Variants in METTL15 observed in about 807,000 individuals in gnomAD.
METTL15 encodes the protein methyltransferase 15, mitochondrial 12S rRNA N4-cytidine.
A neutral mutation model predicts 38.3 loss-of-function variants in METTL15; 34 were observed. The observed-to-expected ratio is 0.89, with a 90% CI of 0.68 to 1.18. The LOEUF is 1.18. METTL15 is among the 50% of genes most tolerant of loss of function. METTL15 has a pLI of 0.00. For synonymous variants in METTL15, 162 were observed against 170.9 expected (o/e 0.95, Z 0.41); for missense variants, 438 against 498.4 (o/e 0.88, Z 1.15).
intron 3 of METTL15, among the ~76,000 whole-genome samples, chr11:28,121,500 T>C (rs1284186312): frequency 1.3e-5 from 2 of 152,132 alleles, no homozygotes; most frequent in Non-Finnish European, 2.9e-5. Context: ...TAAAAGGGTT[T>C]CAAAATATTC....
At chr11:28,384,713 G>T (rs999620872) in intron 5 of METTL15, among the ~76,000 whole-genome samples, 1 of 152,110 alleles carries the variant, frequency 6.6e-6, no homozygotes, top group Non-Finnish European at 1.5e-5. Context: ...TTGAGGAGTT[G>T]CCACACTGAT....
chr11:28,241,407 G>A (rs553970613), intron 4 of METTL15, among the ~76,000 whole-genome samples: 20 of 152,064 alleles, frequency 1.3e-4, no homozygotes, highest in East Asian at 5.8e-4. Context: ...GGTGGCGGGC[G>A]CCTGTAGCCC....
rs746490910 is a variant in METTL15, at chr11:28,290,336, C to T, written c.538C>T (p.Pro180Ser). 6.2e-7 allele frequency: 1 copy of T among 1,613,268 alleles called. No homozygotes were observed. The highest frequency in any genetic ancestry group is 1.3e-5 in the African/African-American group (1 of 74,860). ...GTGTTCCTCCATGCAACTTGATACT[C>T]CTGAAAGAGGTTTTTCCCTTCGGAA... ...LGCSSMQLDT[P>S]ERGFSLRKDG... The change falls in exon 5 of 7, where the codon CCT (proline) becomes TCT (serine). Residue 180 changes from proline to serine, a missense_variant. Transcript: ENST00000407364.
intron 4 of METTL15, among the ~76,000 whole-genome samples, chr11:28,260,155 C>G (rs1855142551): frequency 6.6e-6 from 1 of 152,164 alleles, no homozygotes; most frequent in African/African-American, 2.4e-5. Context: ...CACAGTGTTC[C>G]AAACATACTG....
chr11:28,214,686 G>A (rs1278975616), intron 4 of METTL15, among the ~76,000 whole-genome samples: 1 of 152,072 alleles, frequency 6.6e-6, no homozygotes, highest in Non-Finnish European at 1.5e-5. Flanking sequence ...GACAAAATTA[G>A]GATGTAAATA....
chr11:28,272,666 A>G (rs531009257), intron 4 of METTL15, among the ~76,000 whole-genome samples: 50 of 152,296 alleles, frequency 3.3e-4, no homozygotes, highest in Non-Finnish European at 6.2e-4. Flanking sequence ...GTGTATACCT[A>G]TGTAACAAAC....
intron 5 of METTL15, among the ~76,000 whole-genome samples, chr11:28,400,687 C>G (rs1850622588): frequency 6.6e-6 from 1 of 151,860 alleles, no homozygotes; most frequent in Non-Finnish European, 1.5e-5. Flanking sequence ...TTTACATTAC[C>G]CACATGAGTG....
At position 28,113,382 on chromosome 11, in the gene METTL15, A is replaced by G. The variant is rs144647768; in HGVS notation, c.48A>G (p.Ser16=). 1.3e-6 allele frequency: 2 copies of G among 1,594,214 alleles called. No individual in the cohort carries two copies. The highest frequency in any genetic ancestry group is 2.3e-5 in the East Asian group (1 of 44,346). ...GTAGAATGTATAAAGAATGCCTTTC[A>G]TGTTGGTTGGAATCTGGCATACCTA... is the stretch of plus-strand genomic sequence containing the variant. ...YFCRMYKECL[S]CWLESGIPNL... The change falls in exon 3 of 7, where the codon TCA becomes TCG. Residue 16 remains serine (S), a synonymous_variant. Coordinates refer to ENST00000407364, the MANE Select transcript of METTL15 (RefSeq NM_001113528.2).
At chr11:28,261,110 A>G (rs1362902699) in intron 4 of METTL15, 1 of 152,198 alleles carries the variant, frequency 6.6e-6, no homozygotes, top group African/African-American at 2.4e-5. Flanking sequence ...TGATCAGAAT[A>G]TAATATCTGA....
At chr11:28,496,067 T>C (rs184906721) in intron 6 of METTL15, among the ~76,000 whole-genome samples, 13 of 152,292 alleles carry the variant, frequency 8.5e-5, no homozygotes, top group Non-Finnish European at 1.3e-4. Flanking sequence ...AATAATATGC[T>C]GCAAAAATAA....
chr11:28,357,725 A>G (rs1023039851), intron 4 of METTL15, among the ~76,000 whole-genome samples: 1 of 152,176 alleles, frequency 6.6e-6, no homozygotes, highest in Non-Finnish European at 1.5e-5. Flanking sequence ...GACTTTAATG[A>G]AAGCAAACTA....
intron 3 of METTL15, among the ~76,000 whole-genome samples, chr11:28,166,487 A>AG (rs1463497532): frequency 6.6e-6 from 1 of 152,184 alleles, no homozygotes; most frequent in Non-Finnish European, 1.5e-5. Context: ...ATGTCTTTGT[A>AG]GCTTTCTTCT....
chr11:28,315,045 G>A (rs554099871), intron 6 of METTL15, among the ~76,000 whole-genome samples: 2 of 152,254 alleles, frequency 1.3e-5, no homozygotes, highest in African/African-American at 4.8e-5. Context: ...CATGAAAATG[G>A]ACTAATACAA....
intron 3 of METTL15, among the ~76,000 whole-genome samples, chr11:28,139,754 A>T (rs908383580): frequency 6.9e-6 from 1 of 144,754 alleles, no homozygotes; most frequent in Non-Finnish European, 1.5e-5. Flanking sequence ...TTCCAAAAGG[A>T]AAAAAAAAAA....
intron 2 of METTL15, among the ~76,000 whole-genome samples, chr11:28,111,715 A>G (rs1173198878): frequency 6.6e-6 from 1 of 152,174 alleles, no homozygotes; most frequent in Non-Finnish European, 1.5e-5. Flanking sequence ...ATAAAATGGG[A>G]ATAATATTTC....
chr11:28,374,283 C>A (rs1850280773), intron 5 of METTL15, among the ~76,000 whole-genome samples: 1 of 152,124 alleles, frequency 6.6e-6, no homozygotes, highest in African/African-American at 2.4e-5. Context: ...GATACTGATT[C>A]TTCCTACCCA....
At chr11:28,438,394 G>A (rs1302088391) in intron 6 of METTL15, among the ~76,000 whole-genome samples, 1 of 152,186 alleles carries the variant, frequency 6.6e-6, no homozygotes, top group Non-Finnish European at 1.5e-5. Flanking sequence ...CCTACATCGG[G>A]TTGTCTGGTA....
chr11:28,394,311 G>A (rs578253703), intron 5 of METTL15, among the ~76,000 whole-genome samples: 3 of 152,270 alleles, frequency 2.0e-5, no homozygotes, highest in Non-Finnish European at 2.9e-5. Flanking sequence ...TTAAGAAGGA[G>A]CAGGAAGAGT....
chr11:28,405,912 G>T (rs547851746), intron 5 of METTL15, among the ~76,000 whole-genome samples: 1 of 152,134 alleles, frequency 6.6e-6, no homozygotes, highest in Non-Finnish European at 1.5e-5. Context: ...AAGATCAGAT[G>T]GTTGTAGGTG....
Sources: allele counts gnomAD v4.1 joint callset (sites outside exome capture counted in the v4.1 genomes callset), GRCh38; gene constraint gnomAD v4.1.1; transcripts MANE v1.5; gene names NCBI Gene and HGNC (gene_info 2026-07-23, HGNC 2026-07-21).